The following FGD5 variants were observed in gnomAD, a reference collection of about 807,000 sequenced individuals.
FGD5 encodes the protein FYVE, RhoGEF and PH domain-containing protein 5.
Under a neutral mutation model 133.4 loss-of-function variants are expected in FGD5, and 28 were observed. That is an observed-to-expected ratio of 0.21 (90% CI 0.16 to 0.29). The LOEUF (loss-of-function observed/expected upper bound fraction) is 0.29, where lower values mean the gene tolerates loss of function less well. Among genes scored for constraint, FGD5 ranks in the 10% least tolerant of loss-of-function variants. FGD5 has a pLI of 1.00. For synonymous variants in FGD5, 810 were observed against 776.5 expected (o/e 1.04, Z -0.72); for missense variants, 1,858 against 1,895.2 (o/e 0.98, Z 0.36).
intron 4 of FGD5, 36 bp from the exon 5 acceptor site, chr3:14,897,473 A>G (rs959422153): frequency 3.5e-5 from 55 of 1,586,042 alleles, no homozygotes; most frequent in African/African-American, 8.1e-5. Flanking sequence ...GCTCAGTCCT[A>G]TCAACCTGTG....
In FGD5 at chr3:14,820,795, G is replaced by C. The variant is rs750875264; in HGVS notation, c.1724G>C (p.Arg575Thr). 6.2e-7 allele frequency: 1 copy of C among 1,613,906 alleles called. No individual in the cohort carries two copies. The highest frequency in any genetic ancestry group is 1.1e-5 in the South Asian group (1 of 91,064). ...EPEGSGLDDH[R>T]IKRKEDNLSL... ...GAGGGGTCAGGGTTGGATGACCACA[G>C]GATAAAGAGGAAAGAGGACAATCTC... Residue 575 changes from arginine to threonine, a missense_variant, in exon 1 of 20, where the codon AGG becomes ACG. Coordinates refer to ENST00000285046, the MANE Select transcript of FGD5 (RefSeq NM_152536.4).
In FGD5 at chr3:14,933,325, G is replaced by A. The variant is rs755930563; in HGVS notation, c.*158G>A. The A allele has an allele frequency of 3.7e-5, 27 of 727,000 alleles. No individual in the cohort carries two copies. Among genetic ancestry groups the A allele is most frequent in the Non-Finnish European group, 6.0e-5 (25 of 417,316 alleles). 45.0% of individuals were successfully genotyped at this position (727,000 alleles called of 1,614,324 possible). A position where few individuals can be genotyped will look rare whatever the true frequency, so the allele number is the denominator to read the frequency against. On this transcript the variant is annotated 3_prime_UTR_variant, in exon 20 of 20. Coordinates refer to ENST00000285046, the MANE Select transcript of FGD5 (RefSeq NM_152536.4). ...ACCGCCCCACCACTCCCCTGCCCTTGCCAACATCTTCATGAATGGAATCCT... is the reference window on the plus strand; with the variant it reads ...ACCGCCCCACCACTCCCCTGCCCTTACCAACATCTTCATGAATGGAATCCT...
chr3:14,901,648 A>C (rs1483268153), intron 9 of FGD5, among the ~76,000 whole-genome samples: 1 of 152,172 alleles, frequency 6.6e-6, no homozygotes, highest in East Asian at 1.9e-4. Flanking sequence ...CCCGAGTCCT[A>C]GGTCACTGGA....
At chr3:14,845,999 G>T (rs2037042969) in intron 1 of FGD5, among the ~76,000 whole-genome samples, 1 of 152,162 alleles carries the variant, frequency 6.6e-6, no homozygotes, top group Admixed American at 6.5e-5. Flanking sequence ...ACAGGGATGA[G>T]AACTCAAACT....
At chr3:14,832,204 C>T (rs576897332) in intron 1 of FGD5, among the ~76,000 whole-genome samples, 1 of 152,294 alleles carries the variant, frequency 6.6e-6, no homozygotes, top group South Asian at 2.1e-4. Flanking sequence ...GTCAGGTCTT[C>T]AAAAAGAATA....
In FGD5 at chr3:14,933,415, TA is replaced by T; in HGVS notation, c.*250del. 2 of 527,748 alleles carry T rather than the reference TA, an allele frequency of 3.8e-6. No homozygotes were observed. The highest frequency in any genetic ancestry group is 3.4e-6 in the Non-Finnish European group (1 of 293,480). The allele number at this position is 527,748 out of a possible 1,614,324, so 32.7% of individuals were successfully genotyped here. On this transcript the variant is annotated 3_prime_UTR_variant, in exon 20 of 20. Transcript: ENST00000285046. ...ACCCCTACCCCCACCCGCCACCCAG[TA>T]ATAAACTATTTCCTTACCCCGCAGT...
chr3:14,851,006 G>T (rs2037152611), intron 1 of FGD5, among the ~76,000 whole-genome samples: 1 of 152,166 alleles, frequency 6.6e-6, no homozygotes, highest in Non-Finnish European at 1.5e-5. Flanking sequence ...TAAAGCCACA[G>T]CGCGTCGTGG....
At chr3:14,918,889 G>T in intron 13 of FGD5, 56 bp downstream of exon 13, 4 of 1,581,468 alleles carry the variant, frequency 2.5e-6, no homozygotes, top group South Asian at 2.2e-5. Flanking sequence ...GCATGGGAAG[G>T]TTCAGAACAA....
chr3:14,921,857 G>A (rs1220560524), intron 13 of FGD5, 61 bp from the exon 14 acceptor site: 4 of 1,492,358 alleles, frequency 2.7e-6, no homozygotes, highest in Non-Finnish European at 1.8e-6. Context: ...CATCCATGCC[G>A]AGATGGAGGG....
intron 13 of FGD5, 104 bp downstream of exon 13, chr3:14,918,937 T>A (rs2038618147): frequency 1.6e-6 from 2 of 1,227,214 alleles, no homozygotes; most frequent in Non-Finnish European, 1.2e-6. Flanking sequence ...GGTATCCTTC[T>A]GGGTCAAAGT....
At chr3:14,920,490 CAA>C (rs567110354) in intron 13 of FGD5, 4 of 137,336 alleles carry the variant, frequency 2.9e-5, no homozygotes, top group Non-Finnish European at 6.4e-5. Context: ...GACCCTGTCT[CAA>C]AAAAAAAAAA....
At chr3:14,856,715 C>T (rs546684893) in intron 1 of FGD5, among the ~76,000 whole-genome samples, 18 of 151,962 alleles carry the variant, frequency 1.2e-4, no homozygotes, top group Non-Finnish European at 1.9e-4. Flanking sequence ...AGAAATGCTA[C>T]GGATTTTTAT....
rs1979704 is a variant in FGD5 at position 14,913,950 on chromosome 3, C to G, written c.3405+3021C>G. Among the ~76,000 whole-genome samples the G allele has an allele frequency of 9.2e-3, 1,398 of 152,280 alleles. 45 individuals are homozygous for G. The highest frequency in any genetic ancestry group is 0.05 in the Admixed American group (760 of 15,298). ...GCTTCTCTTCTTCCCCACACTCCCC[C>G]CGTCTGGCATGGCCCTTTATCAGAA... On this transcript the variant is annotated intron_variant, in intron 11 of 19. Coordinates refer to ENST00000285046, the MANE Select transcript of FGD5 (RefSeq NM_152536.4).
intron 1 of FGD5, among the ~76,000 whole-genome samples, chr3:14,855,567 A>T (rs1027597884): frequency 1.8e-4 from 27 of 151,910 alleles, no homozygotes; most frequent in African/African-American, 6.0e-4. Flanking sequence ...GTGTGAGATG[A>T]TATCTCATTG....
chr3:14,843,095 GA>G (rs372152057), intron 1 of FGD5, among the ~76,000 whole-genome samples: 1 of 152,260 alleles, frequency 6.6e-6, no homozygotes, highest in Non-Finnish European at 1.5e-5. Context: ...ATTTCTTCAA[GA>G]AAAAGAGAAT....
intron 1 of FGD5, among the ~76,000 whole-genome samples, chr3:14,844,171 C>T (rs1338565893): frequency 3.2e-5 from 4 of 126,380 alleles, no homozygotes; most frequent in Non-Finnish European, 4.9e-5. Flanking sequence ...CTGACCCTTT[C>T]AGCTGTAACA....
At chr3:14,926,230 T>C (rs1337906308) in intron 18 of FGD5, 32 bp downstream of exon 18, 1 of 1,610,374 alleles carries the variant, frequency 6.2e-7, no homozygotes, top group Admixed American at 1.7e-5. Context: ...TCCCCTCTCC[T>C]CTCTCCTGTG....
At chr3:14,814,274 C>G (rs900227902), upstream of FGD5, among the ~76,000 whole-genome samples, 1 of 152,180 alleles carries the variant, frequency 6.6e-6, no homozygotes, top group Non-Finnish European at 1.5e-5. Flanking sequence ...CCTATAGTTT[C>G]GCCCTACCAT....
intron 13 of FGD5, among the ~76,000 whole-genome samples, chr3:14,919,392 A>G (rs1224354616): frequency 1.3e-5 from 2 of 152,074 alleles, no homozygotes; most frequent in Non-Finnish European, 2.9e-5. Flanking sequence ...GCCGAGGCGG[A>G]TGGATCACAA....
Sources: gnomAD v4.1 joint callset for allele counts (sites outside exome capture counted in the v4.1 genomes callset) on GRCh38, gnomAD v4.1.1 for gene constraint, MANE v1.5 for transcripts, NCBI Gene and HGNC (gene_info 2026-07-23, HGNC 2026-07-21) for gene names.